CERS5: variants seen among roughly 807,000 people sequenced by gnomAD.
CERS5 encodes the protein ceramide synthase 5.
A neutral mutation model predicts 58.9 loss-of-function variants in CERS5; 37 were observed. The observed-to-expected ratio is 0.63, with a 90% CI of 0.48 to 0.83. The LOEUF (loss-of-function observed/expected upper bound fraction) is 0.83, where lower values mean the gene tolerates loss of function less well. CERS5 is among the 40% of genes least tolerant of loss of function. The pLI, the probability that CERS5 is intolerant of heterozygous loss-of-function variation, is 0.00. For missense variants in CERS5, 398 were observed against 489.3 expected, an observed-to-expected ratio of 0.81 and a Z score of 1.76; for synonymous variants, 147 against 177.8, an observed-to-expected ratio of 0.83 and a Z score of 1.38.
intron 9 of CERS5, 129 bp from the exon 10 acceptor site, chr12:50,130,823 T>C: frequency 1.3e-6 from 1 of 744,844 alleles, no homozygotes; most frequent in Non-Finnish European, 2.1e-6. Flanking sequence ...CTCAAAGAAG[T>C]ATTGTCTGGA....
At chr12:50,165,951 A>C (rs1214267390) in intron 1 of CERS5, 1 of 454,994 alleles carries the variant, frequency 2.2e-6, no homozygotes, top group Non-Finnish European at 4.4e-6. Flanking sequence ...TATCTTGGAC[A>C]AACATATGAT....
At chr12:50,157,817 C>T (rs1938820872) in intron 1 of CERS5, among the ~76,000 whole-genome samples, 1 of 152,082 alleles carries the variant, frequency 6.6e-6, no homozygotes. Context: ...TGCCAGTAAT[C>T]TCAGCACTTT....
intron 1 of CERS5, among the ~76,000 whole-genome samples, chr12:50,148,946 A>ATATATATATATATGTGTGTGTG (rs1420401358): frequency 9.7e-6 from 1 of 103,154 alleles, no homozygotes; most frequent in African/African-American, 4.0e-5. Flanking sequence ...ATATATATAT[A>ATATATATATATATGTGTGTGTG]TGTGTGTGTG....
chr12:50,143,852 A>ATC lies in CERS5; in HGVS notation c.303+98_303+99dup, dbSNP rs531346469. 450 of 759,102 alleles carry ATC rather than the reference A, an allele frequency of 5.9e-4. 5 individuals carry two copies. In the East Asian group the frequency reaches 0.011, roughly 18 times the overall value. 47.0% of individuals were successfully genotyped at this position (759,102 alleles called of 1,614,324 possible). Reference sequence around the variant, plus strand: ...CTACTCAAATATGAAGGACCATCCCATCCTATCCTTACCCTTAGAGGTACG... The same window carrying ATC: ...CTACTCAAATATGAAGGACCATCCCATCTCCTATCCTTACCCTTAGAGGTACG... On this transcript the variant is annotated intron_variant, in intron 2 of 9. Transcript: ENST00000317551.
chr12:50,155,736 CAAAAAAAAAA>C (rs146913126), intron 1 of CERS5, among the ~76,000 whole-genome samples: 340 of 21,482 alleles, frequency 0.016, 8 homozygotes, highest in African/African-American at 0.066. Context: ...GACTCCATCT[CAAAAAAAAAA>C]AAAAAAAAAA....
At chr12:50,134,296 A>G in intron 9 of CERS5, 1 of 732,348 alleles carries the variant, frequency 1.4e-6, no homozygotes, top group Admixed American at 3.5e-5. Context: ...GGAGAATCCA[A>G]GCCCAGGTGT....
Position 50,144,031 on chromosome 12 carries a change from C to A in CERS5, c.224G>T (p.Cys75Phe). ...AGGACCACTGTCCTCGATGCCAATA[C>A]AGAGTGCACAGGGTTTGGCAATAAA... ...ERFIAKPCALCIGIEDSGPYQ... is the reference protein window; with the variant it reads ...ERFIAKPCALFIGIEDSGPYQ... Residue 75 changes from cysteine (C) to phenylalanine (F), a missense_variant, in exon 2 of 10, where the codon TGT (cysteine) becomes TTT (phenylalanine). Coordinates refer to ENST00000317551, the MANE Select transcript of CERS5 (RefSeq NM_147190.5). The A allele has an allele frequency of 6.2e-7, 1 of 1,612,298 alleles. No homozygotes were observed. Among genetic ancestry groups the A allele is most frequent in the Non-Finnish European group, 8.5e-7 (1 of 1,178,400 alleles).
At chr12:50,141,077 G>A (rs897219916) in intron 4 of CERS5, among the ~76,000 whole-genome samples, 30 of 152,134 alleles carry the variant, frequency 2.0e-4, no homozygotes, top group African/African-American at 7.0e-4. Context: ...CTGAGGCAGA[G>A]TCTTGCTCTG....
At position 50,143,124 on chromosome 12, in the gene CERS5, A is replaced by G. The variant is rs1371195952; in HGVS notation, c.384T>C (p.His128=). The change falls in exon 3 of 10, where the codon CAT becomes CAC. Residue 128 remains histidine (H), a synonymous_variant. Transcript: ENST00000317551. ...NVRKIQCWFR[H]RRNQDKPPTL... is the part of the protein sequence containing the mutation. ...TTGGGGGCTTGTCCTGATTCCTCCGATGGCGAAACCAGCATTGGATTTTTC... is the reference window on the plus strand; with the variant it reads ...TTGGGGGCTTGTCCTGATTCCTCCGGTGGCGAAACCAGCATTGGATTTTTC... 2.5e-6 allele frequency: 4 copies of G among 1,613,978 alleles called. No individual in the cohort carries two copies. Among genetic ancestry groups the G allele is most frequent in the Admixed American group, 1.7e-5 (1 of 59,998 alleles).
intron 1 of CERS5, among the ~76,000 whole-genome samples, chr12:50,155,610 G>A (rs1220128452): frequency 1.3e-5 from 2 of 151,536 alleles, no homozygotes; most frequent in African/African-American, 2.4e-5. Flanking sequence ...GGTGGCAGGC[G>A]CCTGTAGTCA....
At chr12:50,140,828 C>T (rs1219539097) in intron 4 of CERS5, among the ~76,000 whole-genome samples, 1 of 146,866 alleles carries the variant, frequency 6.8e-6, no homozygotes, top group African/African-American at 2.5e-5. Flanking sequence ...ATATCTTTTA[C>T]ACCCTTAGTG....
At chr12:50,166,584 C>T (rs1939924895) in intron 1 of CERS5, among the ~76,000 whole-genome samples, 1 of 152,182 alleles carries the variant, frequency 6.6e-6, no homozygotes. Flanking sequence ...CTCTTAGGGC[C>T]AAACTAATCC....
chr12:50,137,853 G>A (rs950098139), intron 5 of CERS5, 33 bp from the exon 6 acceptor site: 1 of 1,421,310 alleles, frequency 7.0e-7, no homozygotes, highest in African/African-American at 1.4e-5. Context: ...TAGATTACCG[G>A]CTAGTCAAAG....
chr12:50,137,665 C>T, intron 6 of CERS5, 63 bp downstream of exon 6: 1 of 899,098 alleles, frequency 1.1e-6, no homozygotes, highest in Non-Finnish European at 1.8e-6. Context: ...TAATGGCAGT[C>T]ATGGAAGCTG....
intron 9 of CERS5, 165 bp downstream of exon 9, chr12:50,134,381 A>T (rs1489067482): frequency 3.2e-6 from 5 of 1,563,064 alleles, no homozygotes; most frequent in Non-Finnish European, 4.3e-6. Flanking sequence ...CTCTAAAATA[A>T]AAAAGGCAAA....
chr12:50,134,071 G>GACAAAAA (rs1951491162), intron 9 of CERS5: 1 of 79,548 alleles, frequency 1.3e-5, no homozygotes, highest in Non-Finnish European at 2.1e-5. Context: ...GATTCCATCT[G>GACAAAAA]AAAAAAAAAA....
rs149716057 is a variant in CERS5, at chr12:50,130,588, C to T, written c.1136G>A (p.Arg379Gln). 387 of 1,612,342 alleles carry T rather than the reference C, an allele frequency of 2.4e-4. 4 individuals carry two copies. In the African/African-American group the frequency reaches 4.5e-3, roughly 19 times the overall value. The change falls in exon 10 of 10, where the codon CGG becomes CAG. Residue 379 changes from arginine (R) to glutamine (Q), a missense_variant. Coordinates refer to ENST00000317551, the MANE Select transcript of CERS5 (RefSeq NM_147190.5). ...GCTGCCTCCCATGTGACCATTCACCCGATTGGCACCATTGCTGGAGCTACT... is the reference window on the plus strand; with the variant it reads ...GCTGCCTCCCATGTGACCATTCACCTGATTGGCACCATTGCTGGAGCTACT... ...CDSSSSNGAN[R>Q]VNGHMGGSYW...
At chr12:50,139,425 G>C (rs1951848074) in intron 4 of CERS5, among the ~76,000 whole-genome samples, 1 of 152,112 alleles carries the variant, frequency 6.6e-6, no homozygotes, top group Admixed American at 6.6e-5. Flanking sequence ...TGAGGCTGCA[G>C]TGAGCTGTGA....
At chr12:50,151,940 G>A (rs148440158) in intron 1 of CERS5, among the ~76,000 whole-genome samples, 100 of 152,284 alleles carry the variant, frequency 6.6e-4, no homozygotes, top group South Asian at 3.3e-3. Context: ...GTCGCCGTGC[G>A]CGGCCTATAC....
Sources: gnomAD v4.1 joint callset for allele counts (sites outside exome capture counted in the v4.1 genomes callset) on GRCh38, gnomAD v4.1.1 for gene constraint, MANE v1.5 for transcripts, NCBI Gene and HGNC (gene_info 2026-07-23, HGNC 2026-07-21) for gene names.